The following LRRC4C variants were observed in gnomAD, a reference collection of about 807,000 sequenced individuals.
LRRC4C encodes the protein leucine-rich repeat-containing protein 4C.
In LRRC4C, 5 loss-of-function variants were observed where a neutral mutation model predicts 33.6. The observed-to-expected ratio is 0.15, with a 90% CI of 0.08 to 0.31. LRRC4C has a LOEUF of 0.31. Ranked by LOEUF, LRRC4C falls within the 10% of genes least tolerant of loss-of-function variation. LRRC4C has a pLI of 1.00. For missense variants in LRRC4C, 560 were observed against 796.7 expected (o/e 0.70, Z 3.58); for synonymous variants, 329 against 302.0 (o/e 1.09, Z -0.93).
chr11:40,886,713 A>T (rs1377037377), intron 2 of LRRC4C, among the ~76,000 whole-genome samples: 1 of 151,956 alleles, frequency 6.6e-6, no homozygotes, highest in Non-Finnish European at 1.5e-5. Flanking sequence ...AAAAAAAGTC[A>T]AGATATTCAA....
chr11:41,260,848 A>G (rs1460602635), intron 1 of LRRC4C, among the ~76,000 whole-genome samples: 2 of 152,102 alleles, frequency 1.3e-5, no homozygotes, highest in African/African-American at 2.4e-5. Context: ...AAAAGTTTCA[A>G]TGCAGAAGCC....
intron 4 of LRRC4C, among the ~76,000 whole-genome samples, chr11:40,294,642 C>A (rs1179437310): frequency 6.6e-6 from 1 of 151,992 alleles, no homozygotes; most frequent in Non-Finnish European, 1.5e-5. Flanking sequence ...ACCTGCCCAA[C>A]ATTGTGAAAC....
chr11:41,425,588 G>GCT, intron 1 of LRRC4C, among the ~76,000 whole-genome samples: 1 of 152,086 alleles, frequency 6.6e-6, no homozygotes, highest in Middle Eastern at 3.2e-3. Flanking sequence ...ACATCAAACA[G>GCT]CTCTTACTGA....
chr11:40,156,764 G>C (rs772977740), intron 5 of LRRC4C, among the ~76,000 whole-genome samples: 2 of 151,922 alleles, frequency 1.3e-5, no homozygotes, highest in Admixed American at 6.6e-5. Flanking sequence ...AAAAATCATA[G>C]ATGACACAAA....
In LRRC4C at chr11:41,094,006, G is replaced by A. The variant is rs527878674; in HGVS notation, c.-495-160283C>T. On this transcript the variant is annotated intron_variant, in intron 1 of 6. Coordinates refer to ENST00000528697, the MANE Select transcript of LRRC4C (RefSeq NM_001258419.2). ...TGCCTGTAGTCCCAGCTACTCAGGA[G>A]GCTGAGGCAGGAGAATTGCTTGAAC... 2.2e-3 allele frequency among the ~76,000 whole-genome samples: 330 copies of A among 150,890 alleles called. 1 individual carries two copies. The highest frequency in any genetic ancestry group is 4.2e-3 in the Non-Finnish European group (287 of 67,840).
intron 3 of LRRC4C, among the ~76,000 whole-genome samples, chr11:40,642,136 A>T (rs913528121): frequency 2.6e-5 from 4 of 151,968 alleles, no homozygotes; most frequent in African/African-American, 9.7e-5. Flanking sequence ...TATAATATGA[A>T]GCTATTGCAC....
intron 2 of LRRC4C, among the ~76,000 whole-genome samples, chr11:40,793,413 A>G (rs1409147587): frequency 1.3e-5 from 2 of 152,216 alleles, no homozygotes; most frequent in East Asian, 3.9e-4. Context: ...TTGGAAGACA[A>G]GCCACACAGA....
chr11:40,188,794 T>C (rs1431611745), intron 5 of LRRC4C, among the ~76,000 whole-genome samples: 1 of 149,250 alleles, frequency 6.7e-6, no homozygotes, highest in Non-Finnish European at 1.5e-5. Context: ...AAAGAGGCTT[T>C]AAAGTAGACC....
At chr11:40,712,442 A>G (rs139165628) in intron 2 of LRRC4C, among the ~76,000 whole-genome samples, 5 of 152,278 alleles carry the variant, frequency 3.3e-5, no homozygotes, top group African/African-American at 1.2e-4. Context: ...TTTTTGAAAA[A>G]GGTAAGTAAT....
intron 2 of LRRC4C, among the ~76,000 whole-genome samples, chr11:40,847,484 C>A (rs1953244530): frequency 6.6e-6 from 1 of 152,040 alleles, no homozygotes; most frequent in Non-Finnish European, 1.5e-5. Context: ...GACTTGCATC[C>A]CAGGGTTGAA....
chr11:40,910,104 T>C (rs1428956594), intron 2 of LRRC4C, among the ~76,000 whole-genome samples: 1 of 152,184 alleles, frequency 6.6e-6, no homozygotes, highest in Admixed American at 6.5e-5. Flanking sequence ...CTCTATACAA[T>C]CTGATAGGAA....
intron 3 of LRRC4C, among the ~76,000 whole-genome samples, chr11:40,605,196 G>GGT (rs1960445502): frequency 6.6e-6 from 1 of 151,898 alleles, no homozygotes; most frequent in Admixed American, 6.6e-5. Context: ...CAGCAAGGGA[G>GGT]GTGGGGGACA....
intron 1 of LRRC4C, among the ~76,000 whole-genome samples, chr11:41,112,642 A>G: frequency 6.6e-6 from 1 of 152,066 alleles, no homozygotes; most frequent in Admixed American, 6.6e-5. Flanking sequence ...CTGTCATTTT[A>G]TAATTTCAAT....
chr11:41,386,985 T>C (rs72896549), intron 1 of LRRC4C, among the ~76,000 whole-genome samples: 3,767 of 151,870 alleles, frequency 0.025, 58 homozygotes, highest in Non-Finnish European at 0.04. Context: ...TTTTAGAGAA[T>C]TGCTTCATTT....
intron 1 of LRRC4C, among the ~76,000 whole-genome samples, chr11:41,396,806 C>T (rs1188240791): frequency 6.6e-6 from 1 of 151,756 alleles, no homozygotes; most frequent in Non-Finnish European, 1.5e-5. Context: ...GATGAAGACA[C>T]CAAAAGCAAT....
At chr11:40,957,159 G>A (rs754834372) in intron 1 of LRRC4C, among the ~76,000 whole-genome samples, 27 of 151,744 alleles carry the variant, frequency 1.8e-4, no homozygotes, top group Non-Finnish European at 2.8e-4. Flanking sequence ...AGAAACTGTA[G>A]CATGTTTTAT....
chr11:40,489,825 A>T (rs1020043592), intron 3 of LRRC4C, among the ~76,000 whole-genome samples: 2 of 152,144 alleles, frequency 1.3e-5, no homozygotes, highest in African/African-American at 4.8e-5. Context: ...TATTGACTTG[A>T]TTTTGTAAAA....
chr11:40,332,400 GAC>G (rs1342308329), intron 3 of LRRC4C, among the ~76,000 whole-genome samples: 3 of 151,970 alleles, frequency 2.0e-5, no homozygotes, highest in Non-Finnish European at 2.9e-5. Context: ...TTATTTTTAA[GAC>G]ACCAGTCATT....
intron 1 of LRRC4C, among the ~76,000 whole-genome samples, chr11:41,389,943 G>A (rs1953523839): frequency 6.6e-6 from 1 of 151,860 alleles, no homozygotes; most frequent in Non-Finnish European, 1.5e-5. Flanking sequence ...TTATGTTAAT[G>A]AGAGAAACAT....
Sources: gnomAD v4.1 joint callset for allele counts (sites outside exome capture counted in the v4.1 genomes callset) on GRCh38, gnomAD v4.1.1 for gene constraint, MANE v1.5 for transcripts, NCBI Gene and HGNC (gene_info 2026-07-23, HGNC 2026-07-21) for gene names.